Variants in MYO1D observed in about 807,000 individuals in gnomAD.
The protein encoded by MYO1D is myosin ID.
In MYO1D, 83 loss-of-function variants were observed where a neutral mutation model predicts 122.0. The ratio of observed to expected loss-of-function variants is 0.68; its 90% CI spans 0.57 to 0.82. The LOEUF (loss-of-function observed/expected upper bound fraction) is 0.82, where lower values mean the gene tolerates loss of function less well. Among genes scored for constraint, MYO1D ranks in the 40% least tolerant of loss-of-function variants. The pLI, the probability that MYO1D is intolerant of heterozygous loss-of-function variation, is 0.00. For missense variants in MYO1D, 1,157 were observed against 1,269.5 expected (o/e 0.91, Z 1.35); for synonymous variants, 464 against 446.9 (o/e 1.04, Z -0.48).
intron 21 of MYO1D, among the ~76,000 whole-genome samples, chr17:32,527,863 G>A (rs1910393900): frequency 6.9e-6 from 1 of 145,204 alleles, no homozygotes; most frequent in Non-Finnish European, 1.5e-5. Context: ...TTTTGAGGCA[G>A]AGTCTTGCTC....
chr17:32,821,179 T>A (rs891512669), intron 1 of MYO1D, among the ~76,000 whole-genome samples: 2 of 152,168 alleles, frequency 1.3e-5, no homozygotes, highest in African/African-American at 4.8e-5. Context: ...TCCAGCTCCA[T>A]CCATGGCCCT....
chr17:32,560,906 C>T, intron 21 of MYO1D, among the ~76,000 whole-genome samples: 1 of 147,956 alleles, frequency 6.8e-6, no homozygotes, highest in Non-Finnish European at 1.5e-5. Context: ...GCATGAGCCA[C>T]TATGCGTGGC....
intron 13 of MYO1D, among the ~76,000 whole-genome samples, chr17:32,743,488 CCA>C (rs1016134271): frequency 6.6e-6 from 1 of 152,168 alleles, no homozygotes; most frequent in African/African-American, 2.4e-5. Context: ...TCCTCTCACA[CCA>C]CACATTGTCT....
At chr17:32,755,201 C>A (rs574639815) in intron 11 of MYO1D, among the ~76,000 whole-genome samples, 1 of 152,332 alleles carries the variant, frequency 6.6e-6, no homozygotes, top group African/African-American at 2.4e-5. Context: ...CTATTGGTTA[C>A]AAATGACATC....
At chr17:32,619,726 T>C (rs752015270) in intron 20 of MYO1D, among the ~76,000 whole-genome samples, 1 of 152,224 alleles carries the variant, frequency 6.6e-6, no homozygotes, top group Non-Finnish European at 1.5e-5. Context: ...ATATTATCTA[T>C]TTTAAATTTA....
chr17:32,640,119 C>CA (rs1308364193), intron 19 of MYO1D, among the ~76,000 whole-genome samples: 3 of 152,028 alleles, frequency 2.0e-5, no homozygotes, highest in African/African-American at 7.2e-5. Flanking sequence ...CCTTAATAAC[C>CA]AAAGCACATT....
chr17:32,760,853 G>A (rs1181559381), intron 8 of MYO1D, among the ~76,000 whole-genome samples: 2 of 152,024 alleles, frequency 1.3e-5, no homozygotes, highest in African/African-American at 4.8e-5. Flanking sequence ...GATTATTACC[G>A]GTCATTATAC....
intron 21 of MYO1D, among the ~76,000 whole-genome samples, chr17:32,585,152 T>G (rs1259252121): frequency 6.6e-6 from 1 of 152,204 alleles, no homozygotes; most frequent in Non-Finnish European, 1.5e-5. Context: ...TTCTCTCATT[T>G]TTTTTTCTTT....
chr17:32,525,667 C>T (rs1207922333), intron 21 of MYO1D, among the ~76,000 whole-genome samples: 2 of 152,150 alleles, frequency 1.3e-5, no homozygotes, highest in African/African-American at 4.8e-5. Context: ...CTCTCTGCCC[C>T]AGAAATATCA....
At chr17:32,628,331 G>C (rs2087954963) in intron 20 of MYO1D, among the ~76,000 whole-genome samples, 2 of 152,152 alleles carry the variant, frequency 1.3e-5, no homozygotes, top group African/African-American at 4.8e-5. Flanking sequence ...TACATAGAAA[G>C]GGGTCACCCG....
intron 7 of MYO1D, 149 bp from the exon 8 acceptor site, chr17:32,765,230 A>C (rs1279577623): frequency 3.5e-5 from 23 of 659,838 alleles, no homozygotes; most frequent in African/African-American, 5.5e-5. Flanking sequence ...TGTTTCATCT[A>C]CTTTTTCCCT....
intron 1 of MYO1D, among the ~76,000 whole-genome samples, chr17:32,849,911 C>T (rs1429280590): frequency 1.3e-5 from 2 of 152,124 alleles, no homozygotes; most frequent in Non-Finnish European, 2.9e-5. Flanking sequence ...AAACAAAACA[C>T]GGAAGGAAAT....
At chr17:32,777,930 T>A (rs1337273437) in intron 3 of MYO1D, among the ~76,000 whole-genome samples, 3 of 151,888 alleles carry the variant, frequency 2.0e-5, no homozygotes, top group Non-Finnish European at 4.4e-5. Context: ...CGAGACTCCA[T>A]CTCAAAAAAA....
Position 32,875,847 on chromosome 17 carries a change from T to C in MYO1D, c.95+931A>G, listed in dbSNP as rs185007217. 2.4e-4 allele frequency among the ~76,000 whole-genome samples: 36 copies of C among 152,320 alleles called. No homozygotes were observed. In the East Asian group the frequency reaches 5.8e-3, roughly 24 times the overall value. Reference sequence around the variant, plus strand: ...TGCAGCCAAAGCTTGCAGGGAAACATACACACGCACACCAAAACTCAGCTA... The same window carrying C: ...TGCAGCCAAAGCTTGCAGGGAAACACACACACGCACACCAAAACTCAGCTA... On this transcript the variant is annotated intron_variant, in intron 1 of 21. Coordinates refer to ENST00000318217, the MANE Select transcript of MYO1D (RefSeq NM_015194.3).
At chr17:32,864,548 G>GAAAAAAAAAA (rs200717040) in intron 1 of MYO1D, among the ~76,000 whole-genome samples, 1 of 73,024 alleles carries the variant, frequency 1.4e-5, no homozygotes, top group Admixed American at 1.9e-4. Context: ...TTCTACGAAT[G>GAAAAAAAAAA]AAAAAAAAAA....
intron 21 of MYO1D, among the ~76,000 whole-genome samples, chr17:32,591,415 G>A (rs1182565487): frequency 6.6e-6 from 1 of 152,104 alleles, no homozygotes; most frequent in Non-Finnish European, 1.5e-5. Context: ...AACTTCTTAG[G>A]GTAATTAAAA....
In MYO1D at chr17:32,612,051, G is replaced by A. The variant is rs753919325; in HGVS notation, c.2710-6810C>T. Among the ~76,000 whole-genome samples, 13 of 152,244 alleles carry A rather than the reference G, an allele frequency of 8.5e-5. No individual in the cohort carries two copies. In the South Asian group the frequency reaches 1.0e-3, roughly 12 times the overall value. ...GCAACAGAAAAAAGAATGAAATAGC[G>A]TGGGAGCATAAAAAATAGAAAGCAT... On this transcript the variant is annotated intron_variant, in intron 20 of 21. Coordinates refer to ENST00000318217, the MANE Select transcript of MYO1D (RefSeq NM_015194.3).
chr17:32,673,903 G>A (rs992674149), intron 16 of MYO1D, among the ~76,000 whole-genome samples: 1 of 152,124 alleles, frequency 6.6e-6, no homozygotes, highest in African/African-American at 2.4e-5. Context: ...CTGGTGTTTG[G>A]ATTATTTTCC....
chr17:32,622,969 C>G (rs1457888125), intron 20 of MYO1D, among the ~76,000 whole-genome samples: 1 of 152,176 alleles, frequency 6.6e-6, no homozygotes. Context: ...TTCTTTTGTC[C>G]TTTACCATTT....
Sources: gnomAD v4.1 joint callset for allele counts (sites outside exome capture counted in the v4.1 genomes callset) on GRCh38, gnomAD v4.1.1 for gene constraint, MANE v1.5 for transcripts, NCBI Gene and HGNC (gene_info 2026-07-23, HGNC 2026-07-21) for gene names.